The following PHF14 variants were observed in gnomAD, a reference collection of about 807,000 sequenced individuals.
PHF14 encodes PHD finger protein 14.
Under a neutral mutation model 117.9 loss-of-function variants are expected in PHF14, and 55 were observed. The ratio of observed to expected loss-of-function variants is 0.47; its 90% CI spans 0.38 to 0.58. The LOEUF (loss-of-function observed/expected upper bound fraction) is 0.58. Ranked by LOEUF, PHF14 falls within the 20% of genes least tolerant of loss-of-function variation. The pLI is 0.00. For missense variants in PHF14, 978 were observed against 1,122.2 expected (o/e 0.87, Z 1.84); for synonymous variants, 409 against 368.6 (o/e 1.11, Z -1.26).
intron 16 of PHF14, among the ~76,000 whole-genome samples, chr7:11,074,038 C>G (rs1262216784): frequency 6.6e-6 from 1 of 152,054 alleles, no homozygotes; most frequent in South Asian, 2.1e-4. Flanking sequence ...GACCTCTGGG[C>G]CTGTGATGGG....
At chr7:11,085,596 C>G (rs1330391935) in intron 16 of PHF14, among the ~76,000 whole-genome samples, 1 of 152,152 alleles carries the variant, frequency 6.6e-6, no homozygotes, top group African/African-American at 2.4e-5. Flanking sequence ...CAACATTTAA[C>G]ATTGGTGACC....
chr7:11,040,673 A>G lies in PHF14; in HGVS notation c.2078A>G (p.Lys693Arg). Residue 693 changes from lysine to arginine, a missense_variant and splice_region_variant, in exon 12 of 18, where the codon AAG (lysine) becomes AGG (arginine). Physicochemically the swap from Lys to Arg is conservative, Grantham distance 26. Around this residue, in one of 7 missense-constraint regions of PHF14, gnomAD observed 237 missense variants for 276.4 expected, o/e 0.86. Transcript: ENST00000634607. ...TACTACATTTGTTCAAATCAATAGA[A>G]GTTGAATATACCGGCAATTTTGCGA... ...WALLGRITGQ[K>R]LNIPAILRAP... The G allele has an allele frequency of 6.6e-7, 1 of 1,516,986 alleles. No homozygotes were observed. The highest frequency in any genetic ancestry group is 8.9e-7 in the Non-Finnish European group (1 of 1,119,754). 94.0% of individuals were successfully genotyped at this position (1,516,986 alleles called of 1,614,324 possible).
intron 7 of PHF14, among the ~76,000 whole-genome samples, chr7:11,032,401 C>T (rs1784149396): frequency 6.6e-6 from 1 of 151,854 alleles, no homozygotes; most frequent in African/African-American, 2.4e-5. Flanking sequence ...TTACAAGTGC[C>T]AGGTAAGGTT....
At chr7:11,002,574 G>C (rs1168762175) in intron 4 of PHF14, among the ~76,000 whole-genome samples, 1 of 151,934 alleles carries the variant, frequency 6.6e-6, no homozygotes, top group Non-Finnish European at 1.5e-5. Flanking sequence ...AGAGTAGCTG[G>C]GACTACAGGC....
chr7:11,098,561 T>C (rs1191742549), intron 16 of PHF14, among the ~76,000 whole-genome samples: 1 of 152,172 alleles, frequency 6.6e-6, no homozygotes, highest in East Asian at 1.9e-4. Flanking sequence ...CCTGATAAAA[T>C]GGCCAGAACT....
At chr7:11,139,754 A>G (rs1441359327) in intron 17 of PHF14, among the ~76,000 whole-genome samples, 5 of 152,232 alleles carry the variant, frequency 3.3e-5, no homozygotes, top group Admixed American at 2.6e-4. Flanking sequence ...TATAAGACAG[A>G]TAACTTTTGG....
At chr7:11,097,256 G>T (rs1473841609) in intron 16 of PHF14, among the ~76,000 whole-genome samples, 1 of 152,112 alleles carries the variant, frequency 6.6e-6, no homozygotes, top group Non-Finnish European at 1.5e-5. Context: ...TGGGATTACA[G>T]GCGCGAGCCA....
intron 17 of PHF14, among the ~76,000 whole-genome samples, chr7:11,138,712 G>A (rs926660639): frequency 6.6e-6 from 1 of 152,196 alleles, no homozygotes; most frequent in African/African-American, 2.4e-5. Context: ...AAGAGATCGT[G>A]AGAGATAAGT....
At chr7:11,040,527 C>A (rs569906545) in intron 11 of PHF14, 145 bp from the exon 12 acceptor site, 4 of 405,784 alleles carry the variant, frequency 9.9e-6, no homozygotes, top group Non-Finnish European at 1.8e-5. Context: ...TCATTTTAAT[C>A]CTTTTTGCCA....
chr7:11,097,467 T>C (rs1786921249), intron 16 of PHF14, among the ~76,000 whole-genome samples: 2 of 151,990 alleles, frequency 1.3e-5, no homozygotes, highest in South Asian at 4.1e-4. Flanking sequence ...CCATTAGGCG[T>C]AGTAGTAGGC....
chr7:10,996,092 A>ATGATGGATG (rs946542721), intron 4 of PHF14, among the ~76,000 whole-genome samples: 1 of 152,162 alleles, frequency 6.6e-6, no homozygotes, highest in African/African-American at 2.4e-5. Context: ...ACCTATCATT[A>ATGATGGATG]TGATGGATGT....
chr7:11,069,434 G>C (rs1200611269), intron 16 of PHF14, among the ~76,000 whole-genome samples: 1 of 152,154 alleles, frequency 6.6e-6, no homozygotes, highest in East Asian at 1.9e-4. Context: ...TATTTGAACA[G>C]TGTTTGCTGG....
chr7:10,991,217 G>A (rs1335910634), intron 4 of PHF14, among the ~76,000 whole-genome samples: 1 of 152,046 alleles, frequency 6.6e-6, no homozygotes, highest in Non-Finnish European at 1.5e-5. Flanking sequence ...GTCTCGCACT[G>A]TTGCCCAGGC....
intron 6 of PHF14, among the ~76,000 whole-genome samples, chr7:11,026,457 C>G (rs931038186): frequency 6.6e-6 from 1 of 152,138 alleles, no homozygotes; most frequent in Non-Finnish European, 1.5e-5. Context: ...TGGGTTATCT[C>G]TGATGTATGC....
intron 16 of PHF14, among the ~76,000 whole-genome samples, chr7:11,074,675 A>G (rs1785761774): frequency 6.6e-6 from 1 of 152,224 alleles, no homozygotes; most frequent in Non-Finnish European, 1.5e-5. Context: ...AAGAACATGC[A>G]CAAAATATAG....
chr7:11,010,963 G>C (rs570471184), intron 4 of PHF14, among the ~76,000 whole-genome samples: 42 of 152,288 alleles, frequency 2.8e-4, no homozygotes, highest in African/African-American at 9.6e-4. Context: ...CTGACTTTCA[G>C]ATTTTATTAA....
chr7:10,979,225 T>C (rs974189854), intron 2 of PHF14, among the ~76,000 whole-genome samples: 29 of 152,128 alleles, frequency 1.9e-4, no homozygotes, highest in African/African-American at 6.3e-4. Context: ...AAGGGATTCT[T>C]GAAGGTTGGT....
intron 4 of PHF14, among the ~76,000 whole-genome samples, chr7:11,005,424 A>G (rs905583356): frequency 6.6e-6 from 1 of 152,178 alleles, no homozygotes; most frequent in East Asian, 1.9e-4. Flanking sequence ...ACATTGTCCA[A>G]GTTTGACCAG....
chr7:11,071,613 A>G (rs113522759), intron 16 of PHF14, among the ~76,000 whole-genome samples: 2,485 of 152,290 alleles, frequency 0.016, 56 homozygotes, highest in African/African-American at 0.057. Context: ...CGATCATTAC[A>G]GTCCAGTTTT....
Sources: gnomAD v4.1 joint callset for allele counts (sites outside exome capture counted in the v4.1 genomes callset) on GRCh38, gnomAD v4.1.1 for gene constraint, gnomAD v4.1.1 regional missense constraint, MANE v1.5 for transcripts, NCBI Gene and HGNC (gene_info 2026-07-23, HGNC 2026-07-21) for gene names.